Variants in GASK1A observed in about 807,000 individuals in gnomAD.
GASK1A encodes Golgi-associated kinase 1A.
A neutral mutation model predicts 41.2 loss-of-function variants in GASK1A; 40 were observed. The observed-to-expected ratio is 0.97, with a 90% CI of 0.75 to 1.27. The LOEUF (loss-of-function observed/expected upper bound fraction) is 1.27, where lower values mean the gene tolerates loss of function less well. GASK1A is among the 50% of genes most tolerant of loss of function. The pLI, the probability that GASK1A is intolerant of heterozygous loss-of-function variation, is 0.00. For synonymous variants in GASK1A, 316 were observed against 307.1 expected (o/e 1.03, Z -0.30); for missense variants, 678 against 745.1 (o/e 0.91, Z 1.05).
In GASK1A at chr3:43,056,425, T is replaced by A; in HGVS notation, c.*39T>A. Reference sequence around the variant, plus strand: ...CTGAGTCAATGAGCATCCATCCTGATGGCCACATTTTCTTGGGCTCACTCA... The same window carrying A: ...CTGAGTCAATGAGCATCCATCCTGAAGGCCACATTTTCTTGGGCTCACTCA... On this transcript the variant is annotated 3_prime_UTR_variant, in exon 5 of 5. Coordinates refer to ENST00000430121, the MANE Select transcript of GASK1A (RefSeq NM_001129908.3). The A allele has an allele frequency of 6.9e-7, 1 of 1,456,336 alleles. No individual in the cohort carries two copies. The allele number at this position is 1,456,336 out of a possible 1,614,324, so 90.2% of individuals were successfully genotyped here. A position where few individuals can be genotyped will look rare whatever the true frequency, so the allele number is the denominator to read the frequency against.
intron 1 of GASK1A, 119 bp downstream of exon 1, chr3:42,979,764 A>T: frequency 1.3e-5 from 14 of 1,057,462 alleles, no homozygotes; most frequent in Non-Finnish European, 1.7e-5. Flanking sequence ...CCGAGGCCGG[A>T]GTTGTTCCCC....
intron 1 of GASK1A, among the ~76,000 whole-genome samples, chr3:42,980,731 G>T (rs895604050): frequency 6.6e-6 from 1 of 152,192 alleles, no homozygotes; most frequent in African/African-American, 2.4e-5. Flanking sequence ...GAGGCTAGGG[G>T]TGTGTGTATG....
chr3:43,031,146 T>C (rs1288068994), intron 1 of GASK1A, among the ~76,000 whole-genome samples: 3 of 152,200 alleles, frequency 2.0e-5, no homozygotes, highest in Non-Finnish European at 4.4e-5. Flanking sequence ...TGGGGAGTTT[T>C]TTTGTGATTT....
At chr3:43,047,521 T>C (rs2089669842) in intron 2 of GASK1A, among the ~76,000 whole-genome samples, 1 of 152,154 alleles carries the variant, frequency 6.6e-6, no homozygotes, top group Non-Finnish European at 1.5e-5. Context: ...GGTTCAAGGA[T>C]CAGTGCATTA....
At chr3:42,988,735 A>G (rs2089325758) in intron 1 of GASK1A, among the ~76,000 whole-genome samples, 1 of 152,206 alleles carries the variant, frequency 6.6e-6, no homozygotes, top group South Asian at 2.1e-4. Context: ...CCTTTGGCAG[A>G]GCAGTGCTGT....
In GASK1A at chr3:43,033,482, G is replaced by A. The variant is rs2089590401; in HGVS notation, c.1219G>A (p.Gly407Ser). 2 of 1,550,540 alleles carry A rather than the reference G, an allele frequency of 1.3e-6. No homozygotes were observed. The highest frequency in any genetic ancestry group is 1.7e-6 in the Non-Finnish European group (2 of 1,146,818). Reference protein sequence around the residue: ...ALLAHSCNWPGQAPCPGIHHT... With the variant: ...ALLAHSCNWPSQAPCPGIHHT... The stretch of plus-strand genomic sequence containing the variant: ...GCTGGCACACAGCTGCAACTGGCCA[G>A]GCCAGGCCCCGTGCCCGGGCATCCA... The change falls in exon 2 of 5, where the codon GGC (glycine) becomes AGC (serine). Residue 407 changes from glycine to serine, a missense_variant. By Grantham distance (56) the Gly-to-Ser change is moderately conservative. Coordinates refer to ENST00000430121, the MANE Select transcript of GASK1A (RefSeq NM_001129908.3).
intron 1 of GASK1A, among the ~76,000 whole-genome samples, chr3:43,019,767 C>T (rs2089512289): frequency 6.6e-6 from 1 of 150,434 alleles, no homozygotes; most frequent in South Asian, 2.1e-4. Flanking sequence ...AACACACACA[C>T]ACACACACAC....
intron 2 of GASK1A, 31 bp downstream of exon 2, chr3:43,033,584 G>C: frequency 6.7e-7 from 1 of 1,485,802 alleles, no homozygotes; most frequent in African/African-American, 1.4e-5. Context: ...GGGGTAGAGA[G>C]CTGCGGAGGT....
chr3:43,000,258 C>T (rs1575437524), intron 1 of GASK1A, among the ~76,000 whole-genome samples: 1 of 127,608 alleles, frequency 7.8e-6, no homozygotes, highest in South Asian at 2.5e-4. Context: ...TTCTGACTCC[C>T]ATCTACCAAA....
intron 1 of GASK1A, among the ~76,000 whole-genome samples, chr3:43,028,642 A>G (rs756358192): frequency 6.6e-6 from 1 of 152,220 alleles, no homozygotes; most frequent in Non-Finnish European, 1.5e-5. Flanking sequence ...AGGAATCCCC[A>G]GAGCAAGTTT....
chr3:43,034,384 T>C (rs752960933), intron 2 of GASK1A, among the ~76,000 whole-genome samples: 28 of 152,166 alleles, frequency 1.8e-4, no homozygotes, highest in Non-Finnish European at 3.7e-4. Context: ...ACGGGCTGAC[T>C]GGGGGACTAC....
At position 43,032,939 on chromosome 3, in the gene GASK1A, G is replaced by A; in HGVS notation, c.676G>A (p.Ala226Thr). The change falls in exon 2 of 5, where the codon GCT becomes ACT. Residue 226 changes from alanine (A) to threonine (T), a missense_variant. Coordinates refer to ENST00000430121, the MANE Select transcript of GASK1A (RefSeq NM_001129908.3). Reference sequence around the variant, plus strand: ...AGAGGATCCCACCTTGGCCTCAGGAGCTCATCAGTGGCCTGGCTCTGTTGA... The same window carrying A: ...AGAGGATCCCACCTTGGCCTCAGGAACTCATCAGTGGCCTGGCTCTGTTGA... The part of the protein sequence containing the change: ...QAEDPTLASG[A>T]HQWPGSVEKL... The A allele has an allele frequency of 6.4e-7, 1 of 1,551,318 alleles. No individual in the cohort carries two copies. Among genetic ancestry groups the A allele is most frequent in the African/African-American group, 1.4e-5 (1 of 73,158 alleles).
intron 1 of GASK1A, among the ~76,000 whole-genome samples, chr3:43,013,925 C>T (rs988333238): frequency 6.6e-6 from 1 of 151,364 alleles, no homozygotes; most frequent in Non-Finnish European, 1.5e-5. Context: ...TTGGAAGTCA[C>T]AGGAAGAGGC....
chr3:43,008,907 A>C (rs903305975), intron 1 of GASK1A, among the ~76,000 whole-genome samples: 2 of 152,246 alleles, frequency 1.3e-5, no homozygotes, highest in Admixed American at 1.3e-4. Flanking sequence ...GCCCATCCAC[A>C]GATGGAGAGA....
intron 1 of GASK1A, among the ~76,000 whole-genome samples, chr3:43,008,073 G>T (rs2089445526): frequency 6.6e-6 from 1 of 152,240 alleles, no homozygotes; most frequent in Non-Finnish European, 1.5e-5. Context: ...CAAAACTCCG[G>T]CTAATAAACT....
intron 1 of GASK1A, among the ~76,000 whole-genome samples, chr3:43,009,600 C>T (rs894719506): frequency 7.2e-5 from 11 of 152,166 alleles, no homozygotes; most frequent in African/African-American, 1.2e-4. Flanking sequence ...GTCTCTTTTT[C>T]GAGTTCCTCA....
At chr3:43,044,684 A>T (rs549353104) in intron 2 of GASK1A, among the ~76,000 whole-genome samples, 2 of 152,240 alleles carry the variant, frequency 1.3e-5, no homozygotes, top group African/African-American at 2.4e-5. Context: ...AATGCAGCCA[A>T]ATTCACTCCT....
chr3:43,033,252 T>C lies in GASK1A; in HGVS notation c.989T>C (p.Leu330Pro). ...IKRPGDLPEVLSFHVDRVLGL... is the reference protein window; with the variant it reads ...IKRPGDLPEVPSFHVDRVLGL... ...AGGCCTGGGGACCTGCCTGAGGTCC[T>C]GTCCTTCCACGTAGATCGTGTGCTG... Residue 330 changes from leucine (L) to proline (P), a missense_variant, in exon 2 of 5, where the codon CTG becomes CCG. By Grantham distance (98) the Leu-to-Pro change is moderately conservative. Transcript: ENST00000430121. 6.4e-7 allele frequency: 1 copy of C among 1,551,706 alleles called. No individual in the cohort carries two copies. The highest frequency in any genetic ancestry group is 8.7e-7 in the Non-Finnish European group (1 of 1,146,986).
intron 1 of GASK1A, among the ~76,000 whole-genome samples, chr3:43,028,043 T>C (rs192420283): frequency 1.1e-4 from 17 of 152,312 alleles, no homozygotes; most frequent in African/African-American, 3.1e-4. Flanking sequence ...GATTCTCTGA[T>C]TGGTAATTGA....
Sources: allele counts gnomAD v4.1 joint callset (sites outside exome capture counted in the v4.1 genomes callset), GRCh38; gene constraint gnomAD v4.1.1; transcripts MANE v1.5; gene names NCBI Gene and HGNC (gene_info 2026-07-23, HGNC 2026-07-21).